Variants in DNAH3 observed in about 807,000 individuals in gnomAD.
The protein encoded by DNAH3 is axonemal beta dynein heavy chain 3.
DNAH3 carries 332 observed loss-of-function variants against 432.5 expected under a neutral mutation model. That is an observed-to-expected ratio of 0.77 (90% confidence interval 0.70 to 0.84). The LOEUF is 0.84. Ranked by LOEUF, DNAH3 falls within the 40% of genes least tolerant of loss-of-function variation. The probability of loss-of-function intolerance (pLI) is 0.00; values close to 1 mark genes in which losing one functional copy is unlikely to be tolerated. For missense variants in DNAH3, 4,861 were observed against 5,114.0 expected (o/e 0.95, Z 1.51); for synonymous variants, 1,956 against 1,900.2 (o/e 1.03, Z -0.76).
chr16:20,997,539 T>G, intron 43 of DNAH3, 77 bp from the exon 44 acceptor site: 1 of 1,507,574 alleles, frequency 6.6e-7, no homozygotes, highest in Non-Finnish European at 9.1e-7. Flanking sequence ...CAGATGGCAA[T>G]TCCCCTGTAG....
At chr16:21,094,126 C>G (rs934694563) in intron 18 of DNAH3, among the ~76,000 whole-genome samples, 4 of 152,046 alleles carry the variant, frequency 2.6e-5, no homozygotes, top group Admixed American at 1.3e-4. Context: ...AAAAACAAGC[C>G]ATGGACTTGG....
intron 24 of DNAH3, among the ~76,000 whole-genome samples, chr16:21,065,396 C>T (rs761208315): frequency 6.6e-6 from 1 of 152,004 alleles, no homozygotes; most frequent in Non-Finnish European, 1.5e-5. Context: ...CCCAGCCTCA[C>T]GTGATCTGCC....
intron 7 of DNAH3, among the ~76,000 whole-genome samples, chr16:21,128,281 CAAAG>C (rs1333942918): frequency 6.6e-6 from 1 of 152,052 alleles, no homozygotes; most frequent in Non-Finnish European, 1.5e-5. Context: ...TGATTTAAAA[CAAAG>C]AGTTTATGGA....
At chr16:21,152,064 A>G (rs1488790335) in intron 1 of DNAH3, among the ~76,000 whole-genome samples, 2 of 151,916 alleles carry the variant, frequency 1.3e-5, no homozygotes, top group Non-Finnish European at 2.9e-5. Flanking sequence ...GTGAAACCCC[A>G]TCTCTACTAA....
intron 20 of DNAH3, among the ~76,000 whole-genome samples, chr16:21,076,250 A>G: frequency 6.6e-6 from 1 of 152,192 alleles, no homozygotes; most frequent in East Asian, 1.9e-4. Context: ...TGACCTTATA[A>G]GAAGAGATTA....
At chr16:21,154,951 C>CTTTTT (rs772054168) in intron 1 of DNAH3, among the ~76,000 whole-genome samples, 13 of 134,660 alleles carry the variant, frequency 9.7e-5, no homozygotes, top group South Asian at 2.4e-4. Context: ...TTCTTTCTTT[C>CTTTTT]TTTTTTTTTT....
intron 13 of DNAH3, 71 bp from the exon 14 acceptor site, chr16:21,111,875 C>T (rs1255208731): frequency 6.3e-7 from 1 of 1,575,520 alleles, no homozygotes. Flanking sequence ...AGCCTAACCC[C>T]TGGCCAACCC....
chr16:20,994,071 T>G (rs1204616642), intron 44 of DNAH3, among the ~76,000 whole-genome samples: 1 of 152,200 alleles, frequency 6.6e-6, no homozygotes, highest in African/African-American at 2.4e-5. Context: ...TCATGTTGGA[T>G]TTTCTTTGTA....
chr16:21,103,306 A>G (rs2091877824), intron 16 of DNAH3, among the ~76,000 whole-genome samples: 1 of 133,640 alleles, frequency 7.5e-6, no homozygotes, highest in South Asian at 2.7e-4. Context: ...CCAAAAACCT[A>G]TGGAAAAAAA....
chr16:20,993,272 G>A lies in DNAH3; in HGVS notation c.6601+4011C>T, dbSNP rs73536180. 1.3e-3 allele frequency among the ~76,000 whole-genome samples: 195 copies of A among 152,208 alleles called. 1 individual carries two copies. Among genetic ancestry groups the A allele is most frequent in the African/African-American group, 4.2e-3 (173 of 41,526 alleles). On this transcript the variant is annotated intron_variant, in intron 44 of 61. Coordinates refer to ENST00000261383, the Ensembl canonical transcript of DNAH3. The stretch of plus-strand genomic sequence containing the variant: ...AATAGAAAATTCTACGTTTTCAACT[G>A]TTCTATATCTACATCATCAAATAAT...
intron 55 of DNAH3, among the ~76,000 whole-genome samples, chr16:20,954,434 C>T (rs569383758): frequency 9.9e-5 from 15 of 151,142 alleles, no homozygotes; most frequent in Non-Finnish European, 1.3e-4. Context: ...GGATTATAGG[C>T]GGGCACCACC....
chr16:21,070,784 G>A, exon 22 of DNAH3: 1 of 1,613,068 alleles, frequency 6.2e-7, no homozygotes, highest in Non-Finnish European at 8.5e-7. Flanking sequence ...TGATCATCAA[G>A]TAGCATTTGA....
chr16:20,987,985 C>G, exon 45 of DNAH3: 1 of 1,614,162 alleles, frequency 6.2e-7, no homozygotes, highest in Non-Finnish European at 8.5e-7. Context: ...TGCCAGTCAA[C>G]AATCGAACTG....
intron 44 of DNAH3, among the ~76,000 whole-genome samples, chr16:20,993,212 G>C (rs1318447360): frequency 6.6e-6 from 1 of 151,988 alleles, no homozygotes; most frequent in Non-Finnish European, 1.5e-5. Context: ...TCCACCCCAA[G>C]ACTCTTGGTT....
Position 20,987,357 on chromosome 16 carries a change from A to G in DNAH3, c.6974T>C (p.Phe2325Ser), listed in dbSNP as rs1464351135. ...GGAGGTGGTTTCCTTCACCATGTTG[A>G]AAAAGACCTGTCTGTCCTCCTTGTC... Residue 2325 changes from phenylalanine (F) to serine (S), a missense_variant, in exon 47 of 62, where the codon TTC becomes TCC. By Grantham distance (155) the Phe-to-Ser change is radical. Transcript: ENST00000261383. 3.1e-6 allele frequency: 5 copies of G among 1,614,082 alleles called. No individual in the cohort carries two copies. The Admixed American group carries it at 5.0e-5, about 16-fold the overall frequency.
rs769508668 is a variant in DNAH3 at position 21,000,365 on chromosome 16, T to G, written c.6280A>C (p.Asn2094His). The G allele has an allele frequency of 2.5e-6, 4 of 1,614,098 alleles. No individual in the cohort carries two copies. The South Asian group carries it at 4.4e-5, about 18-fold the overall frequency. ...TTGATGCAGTTGGGTAGGTACGTAT[T>G]TTTGGGAAGGTGGAGAAGGAAGTTG... Residue 2094 changes from asparagine (N) to histidine (H), a missense_variant, in exon 43 of 62, where the codon AAT becomes CAT. By Grantham distance (68) the Asn-to-His change is moderately conservative. Coordinates refer to ENST00000261383, the Ensembl canonical transcript of DNAH3.
In DNAH3 at chr16:21,019,450, AC is replaced by A. The variant is rs2088036403; in HGVS notation, c.6022+173del. 3 of 775,170 alleles carry A rather than the reference AC, an allele frequency of 3.9e-6. No homozygotes were observed. In the East Asian group the frequency reaches 8.1e-5, roughly 21 times the overall value. 48.0% of individuals were successfully genotyped at this position (775,170 alleles called of 1,614,324 possible). ...GCTGGGATTACCAGTGTGAGACACC[AC>A]AACCAGCCAATGATGATATTTTAAT... On this transcript the variant is annotated intron_variant, in intron 41 of 61. Transcript: ENST00000261383.
At chr16:21,001,241 T>C (rs1399801572) in intron 42 of DNAH3, among the ~76,000 whole-genome samples, 11 of 152,212 alleles carry the variant, frequency 7.2e-5, no homozygotes, top group African/African-American at 2.7e-4. Flanking sequence ...GAATCCCTAT[T>C]TGGACAGGGC....
At chr16:20,980,233 T>C (rs367548477) in intron 49 of DNAH3, among the ~76,000 whole-genome samples, 2 of 104,364 alleles carry the variant, frequency 1.9e-5, no homozygotes, top group East Asian at 2.6e-4. Flanking sequence ...TATTTATTTA[T>C]ATTATATATA....
Sources: gnomAD v4.1 joint callset for allele counts (sites outside exome capture counted in the v4.1 genomes callset) on GRCh38, gnomAD v4.1.1 for gene constraint, MANE v1.5 for transcripts, NCBI Gene and HGNC (gene_info 2026-07-23, HGNC 2026-07-21) for gene names.